P3H2: variants seen among roughly 807,000 people sequenced by gnomAD.
P3H2 encodes prolyl 3-hydroxylase 2.
P3H2 carries 80 observed loss-of-function variants against 87.0 expected under a neutral mutation model. The ratio of observed to expected loss-of-function variants is 0.92; its 90% confidence interval spans 0.77 to 1.11. The LOEUF is 1.11. Ranked by LOEUF, P3H2 falls within the 50% of genes least tolerant of loss-of-function variation. The probability of loss-of-function intolerance (pLI) is 0.00; values close to 1 mark genes in which losing one functional copy is unlikely to be tolerated. For synonymous variants in P3H2, 367 were observed against 359.3 expected (o/e 1.02, Z -0.24); for missense variants, 1,001 against 923.9 (o/e 1.08, Z -1.08).
intron 1 of P3H2, among the ~76,000 whole-genome samples, chr3:190,006,069 C>T (rs891833092): frequency 6.6e-6 from 1 of 152,174 alleles, no homozygotes; most frequent in African/African-American, 2.4e-5. Context: ...TTTCTTTGTA[C>T]CTCAGCCAAG....
chr3:189,986,337 C>A (rs1723694383), intron 6 of P3H2, among the ~76,000 whole-genome samples: 1 of 152,190 alleles, frequency 6.6e-6, no homozygotes, highest in Non-Finnish European at 1.5e-5. Context: ...GTAATCCCAG[C>A]ACTTGGGGAG....
At chr3:190,054,368 T>A (rs147344569) in intron 1 of P3H2, among the ~76,000 whole-genome samples, 2 of 152,164 alleles carry the variant, frequency 1.3e-5, no homozygotes, top group East Asian at 3.9e-4. Context: ...CAGACTGATC[T>A]GAGAGCCGAC....
At position 190,120,545 on chromosome 3, in the gene P3H2, C is replaced by A; in HGVS notation, c.187G>T (p.Ala63Ser). The A allele has an allele frequency of 6.6e-7, 1 of 1,516,232 alleles. No homozygotes were observed. The highest frequency in any genetic ancestry group is 1.4e-5 in the African/African-American group (1 of 69,650). The allele number at this position is 1,516,232 out of a possible 1,614,324, so 93.9% of individuals were successfully genotyped here. Residue 63 changes from alanine (A) to serine (S), a missense_variant, in exon 1 of 15, where the codon GCG becomes TCG. Physicochemically the swap from Ala to Ser is moderately conservative, Grantham distance 99 (BLOSUM62 1). Coordinates refer to ENST00000319332, the MANE Select transcript of P3H2 (RefSeq NM_018192.4). Reference protein sequence around the residue: ...AAYYSGDYERAVRDLEAALRS... With the variant: ...AAYYSGDYERSVRDLEAALRS... Reference sequence around the variant, plus strand: ...AGCGCCGCTTCCAAGTCGCGCACCGCTCGCTCGTAGTCTCCGCTGTAGTAG... The same window carrying A: ...AGCGCCGCTTCCAAGTCGCGCACCGATCGCTCGTAGTCTCCGCTGTAGTAG...
At chr3:190,031,390 C>A (rs1214136078) in intron 1 of P3H2, among the ~76,000 whole-genome samples, 1 of 152,116 alleles carries the variant, frequency 6.6e-6, no homozygotes, top group African/African-American at 2.4e-5. Flanking sequence ...GTAATCCCAG[C>A]ACTTTTGGAG....
chr3:189,985,603 T>C (rs1723671560), intron 6 of P3H2, among the ~76,000 whole-genome samples: 1 of 149,156 alleles, frequency 6.7e-6, no homozygotes, highest in South Asian at 2.1e-4. Flanking sequence ...TATATAATTA[T>C]ATATAATTAT....
intron 1 of P3H2, among the ~76,000 whole-genome samples, chr3:190,095,751 C>A (rs6807372): frequency 2.0e-5 from 3 of 151,910 alleles, no homozygotes; most frequent in Non-Finnish European, 4.4e-5. Flanking sequence ...CAGGCGCCCG[C>A]CACCACGCCT....
At chr3:190,069,954 T>TC (rs1726642313) in intron 1 of P3H2, among the ~76,000 whole-genome samples, 3 of 151,830 alleles carry the variant, frequency 2.0e-5, no homozygotes, top group Non-Finnish European at 4.4e-5. Context: ...AGACAAGTTT[T>TC]TTTTTTTTTT....
chr3:190,005,502 T>C (rs1037061588), intron 1 of P3H2, among the ~76,000 whole-genome samples: 1 of 152,206 alleles, frequency 6.6e-6, no homozygotes, highest in Non-Finnish European at 1.5e-5. Flanking sequence ...CATTATAATT[T>C]CCAACATGCT....
At chr3:189,969,130 T>A in intron 13 of P3H2, 1 of 567,302 alleles carries the variant, frequency 1.8e-6, no homozygotes, top group South Asian at 1.9e-5. Flanking sequence ...ACTTTTGGCT[T>A]TACTAGCATT....
intron 1 of P3H2, among the ~76,000 whole-genome samples, chr3:190,110,871 A>C (rs12494405): frequency 7.9e-5 from 12 of 152,210 alleles, no homozygotes; most frequent in African/African-American, 2.4e-4. Flanking sequence ...ATTTTATTAC[A>C]TATTTTGCTT....
chr3:190,057,580 T>C (rs1003614762), intron 1 of P3H2, among the ~76,000 whole-genome samples: 1 of 152,174 alleles, frequency 6.6e-6, no homozygotes, highest in East Asian at 1.9e-4. Flanking sequence ...GAGTTTCATA[T>C]AGATTTCTAT....
At position 189,970,904 on chromosome 3, in the gene P3H2, A is replaced by T; in HGVS notation, c.1818-13T>A. On this transcript the variant is annotated splice_polypyrimidine_tract_variant and intron_variant, in intron 12 of 14. Coordinates refer to ENST00000319332, the MANE Select transcript of P3H2 (RefSeq NM_018192.4). Reference sequence around the variant, plus strand: ...ATATAGGAGAGCACTATAAGAATGAAGAGAAAACTATTTGTATTATTATAT... The same window carrying T: ...ATATAGGAGAGCACTATAAGAATGATGAGAAAACTATTTGTATTATTATAT... 7.2e-7 allele frequency: 1 copy of T among 1,394,942 alleles called. No individual in the cohort carries two copies. Among genetic ancestry groups the T allele is most frequent in the Non-Finnish European group, 1.0e-6 (1 of 980,280 alleles). 86.4% of individuals were successfully genotyped at this position (1,394,942 alleles called of 1,614,324 possible).
At chr3:189,982,021 A>C (rs1346263933) in intron 8 of P3H2, among the ~76,000 whole-genome samples, 1 of 152,224 alleles carries the variant, frequency 6.6e-6, no homozygotes, top group Non-Finnish European at 1.5e-5. Context: ...ATGTGCTGAC[A>C]AGATCTCCTG....
intron 1 of P3H2, among the ~76,000 whole-genome samples, chr3:190,111,386 C>A (rs1390825544): frequency 6.6e-6 from 1 of 152,126 alleles, no homozygotes; most frequent in African/African-American, 2.4e-5. Context: ...CCTTCTCTTA[C>A]AGTGCTGTAA....
At chr3:190,062,171 G>T (rs1726350874) in intron 1 of P3H2, among the ~76,000 whole-genome samples, 1 of 152,020 alleles carries the variant, frequency 6.6e-6, no homozygotes, top group Non-Finnish European at 1.5e-5. Context: ...GTGTTCATAT[G>T]CTATCCATCC....
At chr3:190,028,967 G>C (rs930313804) in intron 1 of P3H2, among the ~76,000 whole-genome samples, 2 of 152,164 alleles carry the variant, frequency 1.3e-5, no homozygotes, top group African/African-American at 4.8e-5. Flanking sequence ...GGAAGCCAGG[G>C]AGAAATTTCC....
At chr3:189,964,271 GTAAGGTCAAAA>G (rs1431866590) in intron 13 of P3H2, 173 bp from the exon 14 acceptor site, 1 of 690,740 alleles carries the variant, frequency 1.4e-6, no homozygotes, top group Non-Finnish European at 2.5e-6. Context: ...TAAAACAAAG[GTAAGGTCAAAA>G]TAATATATAC....
chr3:189,986,649 A>G (rs1451146337), intron 6 of P3H2, 139 bp downstream of exon 6: 2 of 691,690 alleles, frequency 2.9e-6, no homozygotes, highest in Non-Finnish European at 5.3e-6. Context: ...AATATCTCCC[A>G]CCCCCAATTT....
chr3:190,032,910 CTAT>C (rs1231509439), intron 1 of P3H2, among the ~76,000 whole-genome samples: 1 of 152,094 alleles, frequency 6.6e-6, no homozygotes, highest in African/African-American at 2.4e-5. Flanking sequence ...CACTTTATTT[CTAT>C]TATTATTACA....
Sources: allele counts gnomAD v4.1 joint callset (sites outside exome capture counted in the v4.1 genomes callset), GRCh38; gene constraint gnomAD v4.1.1; transcripts MANE v1.5; gene names NCBI Gene and HGNC (gene_info 2026-07-23, HGNC 2026-07-21).